The following DTNA variants were observed in gnomAD, a reference collection of about 807,000 sequenced individuals.
The protein encoded by DTNA is dystrophin-related protein 3.
Under a neutral mutation model 100.7 loss-of-function variants are expected in DTNA, and 43 were observed. The ratio of observed to expected loss-of-function variants is 0.43; its 90% CI spans 0.33 to 0.55. The LOEUF (loss-of-function observed/expected upper bound fraction) is 0.55, where lower values mean the gene tolerates loss of function less well. DTNA is among the 20% of genes least tolerant of loss of function. DTNA has a pLI of 0.04. For missense variants in DTNA, 798 were observed against 953.9 expected (o/e 0.84, Z 2.15); for synonymous variants, 349 against 347.9 (o/e 1.00, Z -0.04).
chr18:34,533,449 T>C (rs2043358790), intron 1 of DTNA, among the ~76,000 whole-genome samples: 1 of 151,934 alleles, frequency 6.6e-6, no homozygotes, highest in Non-Finnish European at 1.5e-5. Flanking sequence ...TGATGTCTTC[T>C]ACACTGGTTC....
In DTNA at chr18:34,738,879, G is replaced by A. The variant is rs1386139266; in HGVS notation, c.-1-17097G>A. ...TTGCAAATCACTTTTGACAAGTTTTGCAGAGAAAAGCTGCATAATTCACTT... is the reference window on the plus strand; with the variant it reads ...TTGCAAATCACTTTTGACAAGTTTTACAGAGAAAAGCTGCATAATTCACTT... On this transcript the variant is annotated intron_variant, in intron 1 of 22. Transcript: ENST00000444659. Among the ~76,000 whole-genome samples, 3 of 152,132 alleles carry A rather than the reference G, an allele frequency of 2.0e-5. No individual in the cohort carries two copies. In the East Asian group the frequency reaches 5.8e-4, roughly 29 times the overall value.
At chr18:34,795,185 C>G (rs995718177) in intron 4 of DTNA, among the ~76,000 whole-genome samples, 6 of 152,200 alleles carry the variant, frequency 3.9e-5, no homozygotes, top group Admixed American at 3.9e-4. Context: ...TTTACTTAGT[C>G]TCATTGTCTG....
At chr18:34,607,929 T>C (rs563107471) in intron 1 of DTNA, among the ~76,000 whole-genome samples, 37 of 152,304 alleles carry the variant, frequency 2.4e-4, no homozygotes, top group African/African-American at 7.7e-4. Flanking sequence ...GATGGCTCTG[T>C]TTAATAGATA....
At chr18:34,829,618 A>G in intron 11 of DTNA, 129 bp downstream of exon 11, 1 of 976,952 alleles carries the variant, frequency 1.0e-6, no homozygotes, top group South Asian at 2.4e-5. Context: ...TCTGGGGTTT[A>G]ATGAAATTGT....
chr18:34,589,380 G>A (rs1223081687), intron 1 of DTNA, among the ~76,000 whole-genome samples: 5 of 152,146 alleles, frequency 3.3e-5, no homozygotes, highest in East Asian at 1.9e-4. Context: ...AGGCCGAGGC[G>A]GGTGGATCAT....
At chr18:34,883,239 T>C (rs1345709390) in intron 21 of DTNA, among the ~76,000 whole-genome samples, 4 of 152,190 alleles carry the variant, frequency 2.6e-5, no homozygotes, top group Non-Finnish European at 5.9e-5. Context: ...CCTCAATGGT[T>C]ATTTTATCCT....
chr18:34,737,737 G>C (rs939486834), intron 1 of DTNA: 16 of 151,976 alleles, frequency 1.1e-4, no homozygotes, highest in Admixed American at 1.0e-3. Flanking sequence ...AGGAGTCTTC[G>C]CAGAACTCTT....
intron 1 of DTNA, among the ~76,000 whole-genome samples, chr18:34,496,949 A>C (rs924665219): frequency 7.9e-5 from 12 of 152,224 alleles, no homozygotes; most frequent in African/African-American, 2.7e-4. Context: ...ACCAGGAGAC[A>C]TACTATTTCA....
At chr18:34,628,169 C>G (rs1210956452) in intron 1 of DTNA, among the ~76,000 whole-genome samples, 1 of 149,448 alleles carries the variant, frequency 6.7e-6, no homozygotes, top group Non-Finnish European at 1.5e-5. Flanking sequence ...TCAGAGGCTT[C>G]TTTAACAACT....
intron 17 of DTNA, chr18:34,866,336 C>T: frequency 7.0e-7 from 1 of 1,427,432 alleles, no homozygotes; most frequent in Non-Finnish European, 9.1e-7. Context: ...CTACTATCCA[C>T]ATCAAAAGAA....
At position 34,646,839 on chromosome 18, in the gene DTNA, C is replaced by T. The variant is rs143997874; in HGVS notation, c.-1-109137C>T. Among the ~76,000 whole-genome samples, 986 of 152,176 alleles carry T rather than the reference C, an allele frequency of 6.5e-3. 7 individuals are homozygous for T. The highest frequency in any genetic ancestry group is 0.023 in the African/African-American group (942 of 41,496). On this transcript the variant is annotated intron_variant, in intron 1 of 19. Transcript: ENST00000283365. ...CAAGCAATTCTCCTGCCTCAGCCTCCTGAGTCACTGGGATTACAGGCATGC... is the reference window on the plus strand; with the variant it reads ...CAAGCAATTCTCCTGCCTCAGCCTCTTGAGTCACTGGGATTACAGGCATGC...
At chr18:34,799,108 T>C (rs2095106961) in intron 4 of DTNA, among the ~76,000 whole-genome samples, 1 of 152,158 alleles carries the variant, frequency 6.6e-6, no homozygotes, top group Non-Finnish European at 1.5e-5. Flanking sequence ...GTGGAAGAAA[T>C]ATTTGGACTT....
chr18:34,890,143 T>C lies in DTNA; in HGVS notation c.*2409T>C. ...AAATGTTCGTCTAAGATTTGAACTGTTCTGCTGATAACCTTCCCCGTTGTC... is the reference window on the plus strand; with the variant it reads ...AAATGTTCGTCTAAGATTTGAACTGCTCTGCTGATAACCTTCCCCGTTGTC... On this transcript the variant is annotated 3_prime_UTR_variant, in exon 23 of 23. Coordinates refer to ENST00000444659, the MANE Select transcript of DTNA (RefSeq NM_001386795.1). 1 of 1,430,814 alleles carries C rather than the reference T, an allele frequency of 7.0e-7. No homozygotes were observed. The highest frequency in any genetic ancestry group is 2.5e-5 in the East Asian group (1 of 39,976). The allele number at this position is 1,430,814 out of a possible 1,614,324, so 88.6% of individuals were successfully genotyped here. A position where few individuals can be genotyped will look rare whatever the true frequency, so the allele number is the denominator to read the frequency against.
At chr18:34,621,033 A>T (rs976810104) in intron 1 of DTNA, among the ~76,000 whole-genome samples, 19 of 151,944 alleles carry the variant, frequency 1.3e-4, no homozygotes, top group Non-Finnish European at 2.8e-4. Flanking sequence ...TTTGTTATCA[A>T]GGGAAAATTG....
At chr18:34,867,489 A>G (rs2096718492) in intron 17 of DTNA, 1 of 1,206,322 alleles carries the variant, frequency 8.3e-7, no homozygotes, top group Admixed American at 4.3e-5. Context: ...TTTCCAATAC[A>G]CTTAGATCAT....
intron 1 of DTNA, among the ~76,000 whole-genome samples, chr18:34,661,750 CAG>C (rs2075227622): frequency 6.6e-6 from 1 of 152,054 alleles, no homozygotes; most frequent in South Asian, 2.1e-4. Context: ...GGAGAGGTGA[CAG>C]AGTTAAGTGC....
chr18:34,603,539 T>C (rs1291223411), intron 1 of DTNA, among the ~76,000 whole-genome samples: 1 of 152,156 alleles, frequency 6.6e-6, no homozygotes, highest in Non-Finnish European at 1.5e-5. Context: ...TTCATTGTCT[T>C]GTTAAATGGC....
rs77294098 is a variant in DTNA, at chr18:34,847,608, A to G, written c.1347-688A>G. On this transcript the variant is annotated intron_variant, in intron 13 of 22. Transcript: ENST00000444659. ...GCTCTACCAGTGGGGATCCATTCAC[A>G]TGGTAATTGGCTTGCTTGGGTTTCT... Among the ~76,000 whole-genome samples the G allele has an allele frequency of 1.1e-4, 17 of 152,250 alleles. No individual in the cohort carries two copies. The East Asian group carries it at 1.5e-3, about 14-fold the overall frequency.
chr18:34,614,541 A>T (rs1317267507), intron 1 of DTNA, among the ~76,000 whole-genome samples: 1 of 152,218 alleles, frequency 6.6e-6, no homozygotes, highest in Admixed American at 6.5e-5. Flanking sequence ...GGAGGTCAAA[A>T]TATCATTAAC....
Sources: allele counts gnomAD v4.1 joint callset (sites outside exome capture counted in the v4.1 genomes callset), GRCh38; gene constraint gnomAD v4.1.1; transcripts MANE v1.5; gene names NCBI Gene and HGNC (gene_info 2026-07-23, HGNC 2026-07-21).